The following USH2A variants were observed in gnomAD, a reference collection of about 807,000 sequenced individuals.
USH2A encodes the protein usherin.
A neutral mutation model predicts 538.9 loss-of-function variants in USH2A; 443 were observed. The observed-to-expected ratio is 0.82, with a 90% CI of 0.76 to 0.89. USH2A has a LOEUF of 0.89. USH2A is among the 40% of genes least tolerant of loss of function. The pLI is 0.00. For synonymous variants in USH2A, 2,413 were observed against 2,273.5 expected (o/e 1.06, Z -1.75); for missense variants, 6,633 against 6,324.8 (o/e 1.05, Z -1.65).
chr1:216,310,828 G>GGGCC (rs1326651750), intron 9 of USH2A, among the ~76,000 whole-genome samples: 2 of 152,108 alleles, frequency 1.3e-5, no homozygotes, highest in Non-Finnish European at 2.9e-5. Flanking sequence ...TGTCTTGTTA[G>GGGCC]GGCCAGTCCC....
intron 21 of USH2A, among the ~76,000 whole-genome samples, chr1:216,161,424 C>A (rs1249245467): frequency 6.6e-6 from 1 of 151,992 alleles, no homozygotes; most frequent in Non-Finnish European, 1.5e-5. Context: ...ATTATTAATT[C>A]TTCAACTTCC....
rs528982172 is a variant in USH2A at position 216,294,028 on chromosome 1, G to T, written c.1645-1658C>A. Reference sequence around the variant, plus strand: ...ATCAGAATTGTGTAAGGAGAGAACTGCCTGTATAACTGTAAGACAAAATTT... The same window carrying T: ...ATCAGAATTGTGTAAGGAGAGAACTTCCTGTATAACTGTAAGACAAAATTT... On this transcript the variant is annotated intron_variant, in intron 9 of 71. Coordinates refer to ENST00000307340, the MANE Select transcript of USH2A (RefSeq NM_206933.4). Among the ~76,000 whole-genome samples the T allele has an allele frequency of 3.0e-4, 46 of 152,246 alleles. No individual in the cohort carries two copies. In the South Asian group the frequency reaches 8.7e-3, roughly 29 times the overall value.
At chr1:215,824,788 C>G (rs1296386299) in intron 47 of USH2A, among the ~76,000 whole-genome samples, 4 of 152,130 alleles carry the variant, frequency 2.6e-5, no homozygotes, top group Admixed American at 1.3e-4. Flanking sequence ...TTCAATCGCA[C>G]TTTTCCAGTG....
At position 216,070,347 on chromosome 1, in the gene USH2A, G is replaced by C. The variant is rs41305096; in HGVS notation, c.5858-55C>G. ...AAATGGCAGTTCTGAGAAGACTATT[G>C]CTCCTATTCTTCACTTTTAATGGCC... On this transcript the variant is annotated intron_variant, in intron 29 of 71. Transcript: ENST00000307340. 7.8e-3 allele frequency: 11,975 copies of C among 1,527,438 alleles called. 68 individuals are homozygous for C. Among genetic ancestry groups the C allele is most frequent in the Non-Finnish European group, 9.6e-3 (10,582 of 1,103,510 alleles). 94.6% of individuals were successfully genotyped at this position (1,527,438 alleles called of 1,614,324 possible).
intron 50 of USH2A, among the ~76,000 whole-genome samples, chr1:215,792,726 C>T (rs976503037): frequency 3.3e-5 from 5 of 152,164 alleles, no homozygotes; most frequent in South Asian, 4.1e-4. Flanking sequence ...GACAATCTTC[C>T]GAAACTGCAT....
intron 39 of USH2A, 39 bp from the exon 40 acceptor site, chr1:215,900,256 A>T (rs748503134): frequency 1.2e-6 from 2 of 1,609,564 alleles, no homozygotes; most frequent in Non-Finnish European, 1.7e-6. Flanking sequence ...AGTTTTCGAC[A>T]TTCAAAGAAA....
At chr1:215,876,561 C>G (rs989091260) in intron 43 of USH2A, among the ~76,000 whole-genome samples, 4 of 152,128 alleles carry the variant, frequency 2.6e-5, no homozygotes, top group African/African-American at 9.7e-5. Context: ...GACAGAGTCA[C>G]GAAGACCGCA....
In USH2A at chr1:215,741,550, A is replaced by C. The variant is rs755127351; in HGVS notation, c.11549-13T>G. On this transcript the variant is annotated splice_polypyrimidine_tract_variant and intron_variant, in intron 59 of 71. Coordinates refer to ENST00000307340, the MANE Select transcript of USH2A (RefSeq NM_206933.4). ...ACTCCACAACTTCCTTGAAAAAAAA[A>C]AAATTGAGGTCTTTATTATTTTTCA... 4 of 1,612,016 alleles carry C rather than the reference A, an allele frequency of 2.5e-6. No individual in the cohort carries two copies. Among genetic ancestry groups the C allele is most frequent in the Admixed American group, 3.3e-5 (2 of 59,754 alleles).
At chr1:215,740,623 A>C (rs1423844096) in intron 60 of USH2A, among the ~76,000 whole-genome samples, 2 of 152,216 alleles carry the variant, frequency 1.3e-5, no homozygotes, top group African/African-American at 4.8e-5. Context: ...TAATCTCTAC[A>C]TAATAATTAA....
chr1:215,647,767 A>G (rs367908223), intron 66 of USH2A, 37 bp from the exon 67 acceptor site: 2 of 1,607,786 alleles, frequency 1.2e-6, no homozygotes, highest in Non-Finnish European at 1.7e-6. Context: ...CAAGACGGGT[A>G]ATGGAATTAG....
At chr1:215,926,677 G>A (rs560676308) in intron 38 of USH2A, among the ~76,000 whole-genome samples, 3 of 133,130 alleles carry the variant, frequency 2.3e-5, no homozygotes, top group African/African-American at 5.7e-5. Context: ...GAGTGCAATG[G>A]TACAATCTTG....
intron 61 of USH2A, among the ~76,000 whole-genome samples, chr1:215,680,737 A>G (rs1316829136): frequency 6.6e-6 from 1 of 152,050 alleles, no homozygotes; most frequent in Non-Finnish European, 1.5e-5. Flanking sequence ...CAGTGGTGCC[A>G]AGCTGCATGT....
chr1:216,102,967 A>G (rs1355202195), intron 21 of USH2A, among the ~76,000 whole-genome samples: 1 of 152,244 alleles, frequency 6.6e-6, no homozygotes, highest in Non-Finnish European at 1.5e-5. Flanking sequence ...TGAAACATAC[A>G]CACGTGTCAC....
intron 41 of USH2A, among the ~76,000 whole-genome samples, chr1:215,884,764 C>T (rs1447696051): frequency 6.6e-6 from 1 of 152,108 alleles, no homozygotes; most frequent in African/African-American, 2.4e-5. Flanking sequence ...TATTATCAAA[C>T]CCATAAATGA....
chr1:215,906,216 G>T (rs887020722), intron 38 of USH2A, among the ~76,000 whole-genome samples: 1 of 152,072 alleles, frequency 6.6e-6, no homozygotes, highest in Non-Finnish European at 1.5e-5. Flanking sequence ...ATAGTGACAA[G>T]TAGGTTAAAA....
At chr1:215,792,031 C>G (rs1304304307) in intron 50 of USH2A, among the ~76,000 whole-genome samples, 1 of 152,102 alleles carries the variant, frequency 6.6e-6, no homozygotes. Flanking sequence ...TGGCAGTTTT[C>G]TGAAGACAAT....
In USH2A at chr1:216,366,995, T is replaced by C. The variant is rs2038612698; in HGVS notation, c.652-1910A>G. On this transcript the variant is annotated intron_variant, in intron 3 of 71. Transcript: ENST00000307340. ...TGTTTTACAACATCTTTGCACAACA[T>C]GCAGGCACATGAAATATAACTAGTG... Among the ~76,000 whole-genome samples, 9 of 152,170 alleles carry C rather than the reference T, an allele frequency of 5.9e-5. No homozygotes were observed. The South Asian group carries it at 1.9e-3, about 31-fold the overall frequency.
At position 216,072,872 on chromosome 1, in the gene USH2A, T is replaced by G. The variant is rs74766738; in HGVS notation, c.5857+17A>C. On this transcript the variant is annotated intron_variant, in intron 29 of 71. Coordinates refer to ENST00000307340, the MANE Select transcript of USH2A (RefSeq NM_206933.4). ...ATGTGTGTGTGTGCACATATGCATT[T>G]GAAGATAAGTATTTACCTGCTCCTG... 2.9e-3 allele frequency: 4,647 copies of G among 1,608,520 alleles called. 111 individuals carry two copies. In the African/African-American group the frequency reaches 0.054, roughly 19 times the overall value.
In USH2A at chr1:216,323,603, G is replaced by A. The variant is rs755107059; in HGVS notation, c.1421C>T (p.Pro474Leu). 1.2e-6 allele frequency: 2 copies of A among 1,613,518 alleles called. No homozygotes were observed. Among genetic ancestry groups the A allele is most frequent in the Admixed American group, 1.7e-5 (1 of 59,946 alleles). The stretch of plus-strand genomic sequence containing the variant: ...GGCTTTTACGAACTCTTGAAGAGAT[G>A]GGGTATTATAGAAGTTATTGTATCC... ...RPGYNNFYNTPSLQEFVKATQ... is the reference protein window; with the variant it reads ...RPGYNNFYNTLSLQEFVKATQ... The change falls in exon 8 of 72, where the codon CCA becomes CTA. Residue 474 changes from proline (P) to leucine (L), a missense_variant. Coordinates refer to ENST00000307340, the MANE Select transcript of USH2A (RefSeq NM_206933.4).
Sources: allele counts gnomAD v4.1 joint callset (sites outside exome capture counted in the v4.1 genomes callset), GRCh38; gene constraint gnomAD v4.1.1; transcripts MANE v1.5; gene names NCBI Gene and HGNC (gene_info 2026-07-23, HGNC 2026-07-21).